The following KCNIP4 variants were observed in gnomAD, a reference collection of about 807,000 sequenced individuals.
KCNIP4 encodes the protein Kv channel-interacting protein 4.
In KCNIP4, 12 loss-of-function variants were observed where a neutral mutation model predicts 34.0. The observed-to-expected ratio is 0.35, with a 90% CI of 0.23 to 0.57. KCNIP4 has a LOEUF of 0.57. Among genes scored for constraint, KCNIP4 ranks in the 20% least tolerant of loss-of-function variants. The pLI, the probability that KCNIP4 is intolerant of heterozygous loss-of-function variation, is 0.83. For missense variants in KCNIP4, 238 were observed against 311.7 expected (o/e 0.76, Z 1.78); for synonymous variants, 124 against 102.2 (o/e 1.21, Z -1.29).
chr4:21,730,372 T>C (rs1715498938), intron 1 of KCNIP4, among the ~76,000 whole-genome samples: 1 of 152,172 alleles, frequency 6.6e-6, no homozygotes, highest in Non-Finnish European at 1.5e-5. Flanking sequence ...TTGGAGGAAA[T>C]AGTTCCGTGT....
At chr4:21,457,128 A>C (rs1729019998) in intron 1 of KCNIP4, among the ~76,000 whole-genome samples, 1 of 151,954 alleles carries the variant, frequency 6.6e-6, no homozygotes, top group African/African-American at 2.4e-5. Flanking sequence ...CATTGAGGAA[A>C]TCTTTCATTT....
intron 1 of KCNIP4, among the ~76,000 whole-genome samples, chr4:21,224,576 C>CTTT (rs1758222167): frequency 4.5e-4 from 43 of 95,688 alleles, no homozygotes; most frequent in African/African-American, 1.7e-3. Flanking sequence ...AATTTTTCAA[C>CTTT]TGTTTTTTTT....
chr4:21,578,171 T>C (rs867972308), intron 1 of KCNIP4, among the ~76,000 whole-genome samples: 4 of 151,728 alleles, frequency 2.6e-5, no homozygotes, highest in South Asian at 2.1e-4. Context: ...CTGTCTCTAC[T>C]AAAGATACAA....
intron 1 of KCNIP4, among the ~76,000 whole-genome samples, chr4:21,867,635 C>T (rs1293217880): frequency 6.6e-6 from 1 of 152,200 alleles, no homozygotes; most frequent in African/African-American, 2.4e-5. Context: ...GATGCTGGAG[C>T]ATCCCATAGC....
intron 1 of KCNIP4, among the ~76,000 whole-genome samples, chr4:21,144,145 T>A (rs1752182195): frequency 6.6e-6 from 1 of 152,144 alleles, no homozygotes. Flanking sequence ...CCTTCAGAAA[T>A]ACAACCCCCT....
chr4:21,741,185 T>G (rs1023431217), intron 1 of KCNIP4, among the ~76,000 whole-genome samples: 4 of 152,204 alleles, frequency 2.6e-5, no homozygotes, highest in Admixed American at 6.5e-5. Context: ...TCCATTTTTA[T>G]GAAGGAGGTG....
At chr4:21,429,094 T>C (rs1034267511) in intron 1 of KCNIP4, among the ~76,000 whole-genome samples, 3 of 152,198 alleles carry the variant, frequency 2.0e-5, no homozygotes, top group African/African-American at 4.8e-5. Context: ...TCATACAAAA[T>C]AGGTTCACTG....
intron 1 of KCNIP4, among the ~76,000 whole-genome samples, chr4:21,244,586 G>A (rs1057217961): frequency 6.6e-6 from 1 of 152,158 alleles, no homozygotes; most frequent in African/African-American, 2.4e-5. Flanking sequence ...AGAGGAAAAT[G>A]TCTTCCCAGT....
intron 1 of KCNIP4, among the ~76,000 whole-genome samples, chr4:21,604,172 T>A (rs1182763965): frequency 6.6e-6 from 1 of 152,184 alleles, no homozygotes; most frequent in Non-Finnish European, 1.5e-5. Flanking sequence ...TTACTACATA[T>A]AATAGTGCTA....
chr4:21,685,553 G>A (rs1415349196), intron 1 of KCNIP4, among the ~76,000 whole-genome samples: 1 of 152,168 alleles, frequency 6.6e-6, no homozygotes, highest in Non-Finnish European at 1.5e-5. Context: ...TGTGGAATGG[G>A]AGAGTAATAA....
chr4:20,906,279 A>C (rs1727760886), intron 1 of KCNIP4, among the ~76,000 whole-genome samples: 1 of 152,120 alleles, frequency 6.6e-6, no homozygotes, highest in Non-Finnish European at 1.5e-5. Context: ...AAACATGTTA[A>C]GGTTCTTCTG....
intron 1 of KCNIP4, among the ~76,000 whole-genome samples, chr4:21,127,151 C>A (rs1750689422): frequency 6.6e-6 from 1 of 152,136 alleles, no homozygotes. Flanking sequence ...CAAGAAGATC[C>A]CCTCTAAGAG....
At chr4:21,104,771 A>T (rs186582031) in intron 1 of KCNIP4, among the ~76,000 whole-genome samples, 4 of 151,642 alleles carry the variant, frequency 2.6e-5, no homozygotes, top group Non-Finnish European at 5.9e-5. Flanking sequence ...TAATTTTTGT[A>T]TAAGGTGTAA....
intron 1 of KCNIP4, among the ~76,000 whole-genome samples, chr4:21,938,675 G>C (rs1317853453): frequency 1.3e-5 from 2 of 152,100 alleles, no homozygotes; most frequent in African/African-American, 4.8e-5. Flanking sequence ...AGAAGACAAG[G>C]ACTGCACCTA....
chr4:21,283,759 C>G (rs936432293), intron 1 of KCNIP4, among the ~76,000 whole-genome samples: 2 of 150,840 alleles, frequency 1.3e-5, no homozygotes, highest in Non-Finnish European at 2.9e-5. Context: ...ATGTAACAAG[C>G]CTGCACCTTG....
chr4:21,236,570 A>G (rs1254374173), intron 1 of KCNIP4, among the ~76,000 whole-genome samples: 3 of 152,182 alleles, frequency 2.0e-5, no homozygotes, highest in East Asian at 1.9e-4. Flanking sequence ...GAGTGTTTCA[A>G]GATGAAATGT....
chr4:21,090,676 C>T (rs573643061), intron 1 of KCNIP4, among the ~76,000 whole-genome samples: 1 of 151,990 alleles, frequency 6.6e-6, no homozygotes, highest in South Asian at 2.1e-4. Context: ...TTTTGTTTTT[C>T]CAATAAAAAG....
chr4:21,409,304 G>T (rs1724281093), intron 1 of KCNIP4, among the ~76,000 whole-genome samples: 1 of 151,726 alleles, frequency 6.6e-6, no homozygotes, highest in African/African-American at 2.4e-5. Flanking sequence ...TTTTGGAGAG[G>T]CAGGGGTCTC....
chr4:21,787,983 G>GA (rs5856669), intron 1 of KCNIP4, among the ~76,000 whole-genome samples: 88 of 150,012 alleles, frequency 5.9e-4, no homozygotes, highest in East Asian at 3.1e-3. Context: ...TGAATAAAAA[G>GA]AAAAAAAAAA....
Sources: allele counts gnomAD v4.1 joint callset (sites outside exome capture counted in the v4.1 genomes callset), GRCh38; gene constraint gnomAD v4.1.1; transcripts MANE v1.5; gene names NCBI Gene and HGNC (gene_info 2026-07-23, HGNC 2026-07-21).